The following ABHD18 variants were observed in gnomAD, a reference collection of about 807,000 sequenced individuals.
ABHD18 encodes cardiolipin-specific deacylase, mitochondrial.
In ABHD18, 55 loss-of-function variants were observed where a neutral mutation model predicts 65.9. The observed-to-expected ratio is 0.84, with a 90% CI of 0.67 to 1.05. The LOEUF is 1.05. Among genes scored for constraint, ABHD18 ranks in the 50% least tolerant of loss-of-function variants. The probability of loss-of-function intolerance (pLI) is 0.00; values close to 1 mark genes in which losing one functional copy is unlikely to be tolerated. For missense variants in ABHD18, 533 were observed against 558.5 expected (o/e 0.95, Z 0.46); for synonymous variants, 181 against 180.2 (o/e 1.00, Z -0.04).
In ABHD18 at chr4:128,027,128, G is replaced by A. The variant is rs763396657; in HGVS notation, c.802-1347G>A. On this transcript the variant is annotated intron_variant, in intron 10 of 12. Coordinates refer to ENST00000645843, the MANE Select transcript of ABHD18 (RefSeq NM_001358451.3). ...TAGATACACAAATACTTACAATTGT[G>A]TTACAATTGCCTACAGTATTAAGTA... Among the ~76,000 whole-genome samples the A allele has an allele frequency of 4.5e-4, 69 of 152,070 alleles. 1 individual carries two copies. The highest frequency in any genetic ancestry group is 1.6e-3 in the African/African-American group (67 of 41,418).
intron 1 of ABHD18, among the ~76,000 whole-genome samples, chr4:127,968,633 CTT>C (rs1308090480): frequency 6.6e-6 from 1 of 152,180 alleles, no homozygotes; most frequent in African/African-American, 2.4e-5. Flanking sequence ...CTAGGAAAGA[CTT>C]TTTAGTTCTT....
chr4:128,020,249 C>A, intron 9 of ABHD18, 80 bp downstream of exon 9: 2 of 969,078 alleles, frequency 2.1e-6, no homozygotes, highest in Non-Finnish European at 3.2e-6. Context: ...AAACCACCCT[C>A]AGCTTTGGTG....
At position 128,014,139 on chromosome 4, in the gene ABHD18, A is replaced by T. The variant is rs1488235948; in HGVS notation, c.470+2439A>T. Among the ~76,000 whole-genome samples, 3 of 151,790 alleles carry T rather than the reference A, an allele frequency of 2.0e-5. No homozygotes were observed. The East Asian group carries it at 5.8e-4, about 30-fold the overall frequency. On this transcript the variant is annotated intron_variant, in intron 7 of 12. Coordinates refer to ENST00000645843, the MANE Select transcript of ABHD18 (RefSeq NM_001358451.3). ...GCTGGGATTACAGGCATGCGCCACC[A>T]CGCCCAGCTAATTTTGTATTTTTAG...
intron 4 of ABHD18, among the ~76,000 whole-genome samples, chr4:128,001,200 T>C (rs563268280): frequency 6.6e-6 from 1 of 152,344 alleles, no homozygotes; most frequent in African/African-American, 2.4e-5. Flanking sequence ...AGAATGGGCA[T>C]CCTTGTTTTG....
rs1388863860 is a variant in ABHD18 at position 128,039,179 on chromosome 4, AT to A, written c.*3367del. Reference sequence around the variant, plus strand: ...TATATATATATATATATATATATATATATATAATCTCAAAGAAGTGCGGTCT... The same window carrying A: ...TATATATATATATATATATATATATAATATAATCTCAAAGAAGTGCGGTCT... On this transcript the variant is annotated 3_prime_UTR_variant, in exon 13 of 13. Transcript: ENST00000645843. The A allele has an allele frequency of 2.2e-5, 3 of 137,308 alleles. No homozygotes were observed. Among genetic ancestry groups the A allele is most frequent in the Non-Finnish European group, 4.6e-5 (3 of 64,858 alleles). The allele number at this position is 137,308 out of a possible 1,614,324, so 8.5% of individuals were successfully genotyped here.
At position 127,979,313 on chromosome 4, in the gene ABHD18, T is replaced by C. The variant is rs367560129; in HGVS notation, c.-17-3626T>C. Among the ~76,000 whole-genome samples the C allele has an allele frequency of 3.3e-5, 5 of 152,242 alleles. No individual in the cohort carries two copies. In the East Asian group the frequency reaches 9.7e-4, roughly 29 times the overall value. ...GCTCATGCCTGTAATCCCAACACTT[T>C]GGGGAGCTGAGGCAGGTGGATCACG... is the stretch of plus-strand genomic sequence containing the variant. On this transcript the variant is annotated intron_variant, in intron 1 of 12. Coordinates refer to ENST00000645843, the MANE Select transcript of ABHD18 (RefSeq NM_001358451.3).
intron 1 of ABHD18, among the ~76,000 whole-genome samples, chr4:127,974,997 C>CAAAAAAAAAAAAAAAAAAAAAAAAA (rs34068699): frequency 1.1e-5 from 1 of 88,286 alleles, no homozygotes; most frequent in Non-Finnish European, 2.1e-5. Context: ...AACTGTGTCT[C>CAAAAAAAAAAAAAAAAAAAAAAAAA]AAAAAAAAAA....
chr4:127,981,709 T>C (rs1490757146), intron 1 of ABHD18, among the ~76,000 whole-genome samples: 2 of 152,154 alleles, frequency 1.3e-5, no homozygotes, highest in Non-Finnish European at 2.9e-5. Context: ...ACACAAATAG[T>C]ATAATAAAAC....
chr4:128,027,891 T>C (rs538560238), intron 10 of ABHD18, among the ~76,000 whole-genome samples: 3 of 152,314 alleles, frequency 2.0e-5, no homozygotes, highest in African/African-American at 7.2e-5. Context: ...CTTTACTGTT[T>C]AGTAGGAAAC....
chr4:127,995,334 G>C (rs1459162753), intron 4 of ABHD18, among the ~76,000 whole-genome samples: 1 of 152,030 alleles, frequency 6.6e-6, no homozygotes, highest in Non-Finnish European at 1.5e-5. Context: ...ATTACTTCAG[G>C]CATTACTTTT....
At chr4:127,986,117 T>C (rs1318220597) in intron 3 of ABHD18, among the ~76,000 whole-genome samples, 1 of 152,208 alleles carries the variant, frequency 6.6e-6, no homozygotes, top group Non-Finnish European at 1.5e-5. Flanking sequence ...TGTCACTAAT[T>C]CTAGAATATT....
chr4:127,972,049 T>G (rs1252112084), intron 1 of ABHD18, among the ~76,000 whole-genome samples: 2 of 152,128 alleles, frequency 1.3e-5, no homozygotes, highest in East Asian at 3.9e-4. Context: ...TTTGCTAGAA[T>G]GACTCAGAAC....
rs531575806 is a variant in ABHD18 at position 128,022,945 on chromosome 4, A to G, written c.801+1707A>G. 2.0e-5 allele frequency among the ~76,000 whole-genome samples: 3 copies of G among 151,778 alleles called. No individual in the cohort carries two copies. The South Asian group carries it at 6.2e-4, about 32-fold the overall frequency. The stretch of plus-strand genomic sequence containing the variant: ...GCCACTATGCTTAGCTAATTTTTGT[A>G]TTTTTAGTAGAGATGGGGTTTCACC... On this transcript the variant is annotated intron_variant, in intron 10 of 12. Transcript: ENST00000645843.
At position 128,036,100 on chromosome 4, in the gene ABHD18, TTAATCATGA is replaced by T. The variant is rs142544915; in HGVS notation, c.*288_*296del. ...TTACTGTTTATGAAAAACTAAATTT[TTAATCATGA>T]ATAATTTATTAAATTAAATAAATTT... On this transcript the variant is annotated 3_prime_UTR_variant, in exon 13 of 13. Coordinates refer to ENST00000645843, the MANE Select transcript of ABHD18 (RefSeq NM_001358451.3). 1.2e-3 allele frequency: 283 copies of T among 228,928 alleles called. 1 individual carries two copies. Among genetic ancestry groups the T allele is most frequent in the African/African-American group, 6.0e-3 (267 of 44,392 alleles). 14.2% of individuals were successfully genotyped at this position (228,928 alleles called of 1,614,324 possible).
rs1025191744 is a variant in ABHD18, at chr4:128,011,621, A to C, written c.443-52A>C. 1.5e-5 allele frequency: 21 copies of C among 1,443,310 alleles called. No homozygotes were observed. In the Admixed American group the frequency reaches 4.4e-4, roughly 30 times the overall value. The allele number at this position is 1,443,310 out of a possible 1,614,324, so 89.4% of individuals were successfully genotyped here. ...TTAACTATTTAATGTACTCTCAGAC[A>C]AACAAAATTATTTAATTATTTTAAA... On this transcript the variant is annotated intron_variant, in intron 6 of 12. Transcript: ENST00000645843.
intron 12 of ABHD18, chr4:128,031,174 G>T: frequency 2.0e-5 from 20 of 984,296 alleles, no homozygotes; most frequent in Non-Finnish European, 2.4e-5. Context: ...TTTTATGCTG[G>T]CTGGGCGCGG....
chr4:127,984,933 ATTGGAAGCATATG>A (rs1044084587), intron 3 of ABHD18, among the ~76,000 whole-genome samples: 1 of 152,222 alleles, frequency 6.6e-6, no homozygotes, highest in African/African-American at 2.4e-5. Flanking sequence ...GTTCACATAT[ATTGGAAGCATATG>A]TTTATTACTT....
intron 7 of ABHD18, among the ~76,000 whole-genome samples, chr4:128,016,188 A>G (rs913150079): frequency 6.6e-6 from 1 of 151,814 alleles, no homozygotes; most frequent in Non-Finnish European, 1.5e-5. Context: ...TCCTGACCTC[A>G]TGATCTGCCC....
At chr4:128,035,602 A>G (rs1302027092) in intron 12 of ABHD18, among the ~76,000 whole-genome samples, 160 bp from the exon 13 acceptor site, 1 of 152,134 alleles carries the variant, frequency 6.6e-6, no homozygotes, top group East Asian at 1.9e-4. Context: ...ATGGATTCAA[A>G]CACCCATTCT....
Sources: gnomAD v4.1 joint callset for allele counts (sites outside exome capture counted in the v4.1 genomes callset) on GRCh38, gnomAD v4.1.1 for gene constraint, MANE v1.5 for transcripts, NCBI Gene and HGNC (gene_info 2026-07-23, HGNC 2026-07-21) for gene names.